Variants in ZBTB25 observed in about 807,000 individuals in gnomAD.
ZBTB25 encodes the protein zinc finger and BTB domain containing 25.
ZBTB25 carries 20 observed loss-of-function variants against 34.2 expected under a neutral mutation model. The ratio of observed to expected loss-of-function variants is 0.58; its 90% CI spans 0.41 to 0.85. The LOEUF is 0.85. Ranked by LOEUF, ZBTB25 falls within the 40% of genes least tolerant of loss-of-function variation. ZBTB25 has a pLI of 0.00. For synonymous variants in ZBTB25, 175 were observed against 186.4 expected (o/e 0.94, Z 0.50); for missense variants, 437 against 521.8 (o/e 0.84, Z 1.58).
chr14:64,468,937 T>TCTA, intron 2 of ZBTB25: 1 of 1,614,098 alleles, frequency 6.2e-7, no homozygotes. Flanking sequence ...CAACCCAGGA[T>TCTA]CTAAGTGAAG....
chr14:64,467,089 C>A (rs1340196532), intron 2 of ZBTB25: 1 of 152,122 alleles, frequency 6.6e-6, no homozygotes, highest in Non-Finnish European at 1.5e-5. Context: ...GTTAAATGAC[C>A]ATTAATCAAT....
At chr14:64,469,809 C>T (rs2078649124) in intron 2 of ZBTB25, 1 of 670,318 alleles carries the variant, frequency 1.5e-6, no homozygotes, top group African/African-American at 1.9e-5. Context: ...AATTCCAGCG[C>T]AGAAGTGCTA....
chr14:64,475,598 TTTTC>T (rs912148120), downstream of ZBTB25, among the ~76,000 whole-genome samples: 2 of 152,168 alleles, frequency 1.3e-5, no homozygotes, highest in African/African-American at 4.8e-5. Context: ...GAATACCTAC[TTTTC>T]TTTCTTTCTT....
Position 64,483,177 on chromosome 14 carries a change from T to C in ZBTB25, c.*3746A>G, listed in dbSNP as rs1225066995. 2 of 152,230 alleles carry C rather than the reference T, an allele frequency of 1.3e-5. No individual in the cohort carries two copies. Among genetic ancestry groups the C allele is most frequent in the Non-Finnish European group, 2.9e-5 (2 of 68,044 alleles). The allele number at this position is 152,230 out of a possible 1,614,324, so 9.4% of individuals were successfully genotyped here. ...GCATATGACATTTCCAGTTTCAAGC[T>C]TGGTAATCATTATGCAAACTGCACT... On this transcript the variant is annotated 3_prime_UTR_variant, in exon 3 of 3. Coordinates refer to ENST00000608382, the MANE Select transcript of ZBTB25 (RefSeq NM_006977.5).
At chr14:64,459,819 T>G (rs1346035803) in intron 2 of ZBTB25, 2 of 1,536,002 alleles carry the variant, frequency 1.3e-6, no homozygotes, top group African/African-American at 1.4e-5. Flanking sequence ...TCAGGCCCAC[T>G]GGGAGTTAGG....
Position 64,485,754 on chromosome 14 carries a change from C to A in ZBTB25, c.*1169G>T. ...ACCCAGGAAGCCCCAAAAATCCTGA[C>A]GCTGAGGGTAGAAACATGATTTATA... On this transcript the variant is annotated 3_prime_UTR_variant, in exon 3 of 3. Transcript: ENST00000608382. 1.0e-6 allele frequency: 1 copy of A among 985,342 alleles called. No individual in the cohort carries two copies. Among genetic ancestry groups the A allele is most frequent in the Non-Finnish European group, 1.2e-6 (1 of 829,904 alleles). 61.0% of individuals were successfully genotyped at this position (985,342 alleles called of 1,614,324 possible).
intron 2 of ZBTB25, chr14:64,455,051 C>T (rs2078447207): frequency 3.0e-6 from 2 of 668,896 alleles, no homozygotes. Context: ...CTATATAGCT[C>T]TTGCTGTGGA....
At chr14:64,490,567 G>A (rs946845953) in intron 1 of ZBTB25, 27 bp from the exon 2 acceptor site, 2 of 1,585,210 alleles carry the variant, frequency 1.3e-6, no homozygotes, top group African/African-American at 2.7e-5. Context: ...GATAAATGTA[G>A]ATAGGTGTGT....
chr14:64,473,020 A>T (rs943542417), intron 2 of ZBTB25: 3 of 166,724 alleles, frequency 1.8e-5, no homozygotes, highest in Non-Finnish European at 4.4e-5. Flanking sequence ...GGGGTTGGGG[A>T]GGGGGATTAT....
chr14:64,457,508 T>C (rs181040981), intron 2 of ZBTB25, among the ~76,000 whole-genome samples: 21 of 150,938 alleles, frequency 1.4e-4, no homozygotes, highest in Non-Finnish European at 2.8e-4. Flanking sequence ...CAGGCTGGAG[T>C]GCAGTGGCAA....
intron 2 of ZBTB25, among the ~76,000 whole-genome samples, chr14:64,457,196 T>C (rs1333128446): frequency 1.3e-5 from 2 of 152,224 alleles, no homozygotes; most frequent in Non-Finnish European, 2.9e-5. Context: ...ATCGTGTTGC[T>C]GAAGCAAAAA....
intron 2 of ZBTB25, among the ~76,000 whole-genome samples, chr14:64,452,275 A>T (rs1314517336): frequency 6.6e-6 from 1 of 152,252 alleles, no homozygotes; most frequent in African/African-American, 2.4e-5. Context: ...AGCCTGGGCA[A>T]CAAGTGCAAA....
intron 1 of ZBTB25, among the ~76,000 whole-genome samples, chr14:64,493,609 A>C (rs1426576158): frequency 6.6e-6 from 1 of 152,168 alleles, no homozygotes; most frequent in African/African-American, 2.4e-5. Context: ...GGAATGAAGG[A>C]AGGAATACAA....
Position 64,487,380 on chromosome 14 carries a change from G to T in ZBTB25, c.851C>A (p.Pro284His). 3.1e-6 allele frequency: 5 copies of T among 1,614,124 alleles called. No homozygotes were observed. Among genetic ancestry groups the T allele is most frequent in the Non-Finnish European group, 2.5e-6 (3 of 1,180,036 alleles). ...AAGGGCCTCGCTGTTTTCATTAAGG[G>T]GATGCACTTCACCAAGGTCATTACT... is the stretch of plus-strand genomic sequence containing the variant. ...LESNDLGEVHPLNENSEALEC... is the reference protein window; with the variant it reads ...LESNDLGEVHHLNENSEALEC... The change falls in exon 3 of 3, where the codon CCC (proline) becomes CAC (histidine). Residue 284 changes from proline (P) to histidine (H), a missense_variant. Transcript: ENST00000608382.
chr14:64,449,138 G>A, exon 3 of ZBTB25: 1 of 422,962 alleles, frequency 2.4e-6, no homozygotes, highest in South Asian at 2.1e-5. Context: ...GATTCCTTCT[G>A]GAGTGCTGGG....
In ZBTB25 at chr14:64,469,664, A is replaced by G. The variant is rs1341881744; in HGVS notation, c.174-20026T>C. 1.3e-6 allele frequency: 2 copies of G among 1,583,452 alleles called. No homozygotes were observed. Among genetic ancestry groups the G allele is most frequent in the Admixed American group, 3.8e-5 (2 of 52,208 alleles). On this transcript the variant is annotated intron_variant, in intron 2 of 2. Transcript: ENST00000555220. ...GGCCTCTGATGATAATAAAATAAAC[A>G]ATCTTCTACAGTGACTTACTCTCCA...
chr14:64,497,579 T>C (rs2079320640), intron 1 of ZBTB25, among the ~76,000 whole-genome samples: 1 of 152,220 alleles, frequency 6.6e-6, no homozygotes, highest in Non-Finnish European at 1.5e-5. Context: ...AAGTGATACA[T>C]TATCATAATA....
chr14:64,495,256 A>C (rs1439410660), intron 1 of ZBTB25, among the ~76,000 whole-genome samples: 1 of 152,198 alleles, frequency 6.6e-6, no homozygotes, highest in Non-Finnish European at 1.5e-5. Context: ...AGCTGGACTT[A>C]AACTCCAAGT....
upstream of ZBTB25, chr14:64,504,963 TGTG>T (rs755329440): frequency 2.1e-3 from 834 of 394,748 alleles, no homozygotes; most frequent in Middle Eastern, 8.3e-3. Flanking sequence ...ATTTGCCAGT[TGTG>T]GGGCTATTTG....
Sources: gnomAD v4.1 joint callset for allele counts (sites outside exome capture counted in the v4.1 genomes callset) on GRCh38, gnomAD v4.1.1 for gene constraint, MANE v1.5 for transcripts, NCBI Gene and HGNC (gene_info 2026-07-23, HGNC 2026-07-21) for gene names.